CTNNBIP1: variants seen among roughly 807,000 people sequenced by gnomAD.
CTNNBIP1 encodes the protein beta-catenin-interacting protein 1.
In CTNNBIP1, 7 loss-of-function variants were observed where a neutral mutation model predicts 11.8. The ratio of observed to expected loss-of-function variants is 0.60; its 90% CI spans 0.34 to 1.12. The LOEUF (loss-of-function observed/expected upper bound fraction) is 1.12. Ranked by LOEUF, CTNNBIP1 falls within the 50% of genes most tolerant of loss-of-function variation. The pLI is 0.03. For synonymous variants in CTNNBIP1, 58 were observed against 43.9 expected (o/e 1.32, Z -1.26); for missense variants, 101 against 113.4 (o/e 0.89, Z 0.50).
rs755673219 is a variant in CTNNBIP1, at chr1:9,867,198, G to A, written c.187+3989C>T. Among the ~76,000 whole-genome samples the A allele has an allele frequency of 7.9e-5, 12 of 152,188 alleles. 1 individual carries two copies. Among genetic ancestry groups the A allele is most frequent in the Non-Finnish European group, 8.8e-5 (6 of 68,024 alleles). ...CAGTGAGGGGTGACGTGAAGGACAAGGGAGGGAAAGGAGGCTGTCATTGGT... is the reference window on the plus strand; with the variant it reads ...CAGTGAGGGGTGACGTGAAGGACAAAGGAGGGAAAGGAGGCTGTCATTGGT... On this transcript the variant is annotated intron_variant, in intron 5 of 5. Coordinates refer to ENST00000377263, the MANE Select transcript of CTNNBIP1 (RefSeq NM_020248.3). The surrounding 1 kb of genome is among the most constrained non-coding windows in gnomAD (Gnocchi z 4.6).
In CTNNBIP1 at chr1:9,899,563, A is replaced by AG. The variant is rs1355329667; in HGVS notation, c.-144+10531_-144+10532insC. On this transcript the variant is annotated intron_variant, in intron 1 of 5. Transcript: ENST00000377263. ...GTCACAAGGTCAGGAGATCAAGGCTATCTTGGCCAACATGGTGAAACCCCA... is the reference window on the plus strand; with the variant it reads ...GTCACAAGGTCAGGAGATCAAGGCTAGTCTTGGCCAACATGGTGAAACCCCA... Among the ~76,000 whole-genome samples, 45 of 148,190 alleles carry AG rather than the reference A, an allele frequency of 3.0e-4. No homozygotes were observed. In the East Asian group the frequency reaches 8.1e-3, roughly 27 times the overall value.
chr1:9,891,482 T>G (rs1331367617), intron 1 of CTNNBIP1, among the ~76,000 whole-genome samples: 1 of 152,190 alleles, frequency 6.6e-6, no homozygotes, highest in Non-Finnish European at 1.5e-5. Flanking sequence ...TCCAGCTTCC[T>G]GTGGTGAGGA....
chr1:9,857,387 AG>A (rs1290449973), intron 5 of CTNNBIP1, among the ~76,000 whole-genome samples: 2 of 150,126 alleles, frequency 1.3e-5, no homozygotes, highest in East Asian at 4.0e-4. Flanking sequence ...TGTACTCGGG[AG>A]GCTGAGGCAG....
chr1:9,868,345 G>A (rs988280127), intron 5 of CTNNBIP1, among the ~76,000 whole-genome samples: 1 of 152,170 alleles, frequency 6.6e-6, no homozygotes, highest in Non-Finnish European at 1.5e-5. Flanking sequence ...TGGACTCCAC[G>A]GCCCACACAG....
intron 5 of CTNNBIP1, among the ~76,000 whole-genome samples, chr1:9,858,303 A>C (rs1263403136): frequency 6.6e-6 from 1 of 151,406 alleles, no homozygotes; most frequent in African/African-American, 2.4e-5. Flanking sequence ...TTTGCTCAAA[A>C]CCCTCCAGAA....
chr1:9,857,572 G>A (rs554386456), intron 5 of CTNNBIP1, among the ~76,000 whole-genome samples: 5 of 151,678 alleles, frequency 3.3e-5, no homozygotes, highest in African/African-American at 4.8e-5. Flanking sequence ...AGGCCGAGGC[G>A]GGCAGATCAC....
chr1:9,894,533 T>TC (rs1392766776), intron 1 of CTNNBIP1, among the ~76,000 whole-genome samples: 1 of 151,164 alleles, frequency 6.6e-6, no homozygotes, highest in Admixed American at 6.6e-5. Context: ...TTTTTTTTTT[T>TC]CTTTTCTTTT....
chr1:9,860,965 A>G (rs1317125993), intron 5 of CTNNBIP1, among the ~76,000 whole-genome samples: 1 of 152,210 alleles, frequency 6.6e-6, no homozygotes, highest in Non-Finnish European at 1.5e-5. Context: ...AGAGGGAGCT[A>G]ACTTTGGCTA....
At chr1:9,885,942 A>G (rs957893999) in intron 1 of CTNNBIP1, among the ~76,000 whole-genome samples, 1 of 152,052 alleles carries the variant, frequency 6.6e-6, no homozygotes, top group African/African-American at 2.4e-5. Flanking sequence ...TGAGGAAAAA[A>G]AAAAAAAAAA....
rs745668650 is a variant in CTNNBIP1 at position 9,871,229 on chromosome 1, T to C, written c.145A>G (p.Asn49Asp). ...GGAGGCAGCTGGCTGAGCTGGCTGT[T>C]GACCACCCCTGCATAGGTGCGCAGG... ...EFLRTYAGVV[N>D]SQLSQLPPHS... is the part of the protein sequence containing the mutation. Residue 49 changes from asparagine (N) to aspartate (D), a missense_variant, in exon 5 of 6, where the codon AAC (asparagine) becomes GAC (aspartate). Coordinates refer to ENST00000377263, the MANE Select transcript of CTNNBIP1 (RefSeq NM_020248.3). The surrounding 1 kb of genome is among the most constrained non-coding windows in gnomAD (Gnocchi z 5.2). 6.3e-7 allele frequency: 1 copy of C among 1,581,952 alleles called. No individual in the cohort carries two copies. The highest frequency in any genetic ancestry group is 8.6e-7 in the Non-Finnish European group (1 of 1,164,800).
chr1:9,900,546 TGA>T (rs978789446), intron 1 of CTNNBIP1, among the ~76,000 whole-genome samples: 1 of 151,992 alleles, frequency 6.6e-6, no homozygotes, highest in African/African-American at 2.4e-5. Flanking sequence ...GATTAGGAAG[TGA>T]GAGTGGGAAG....
At chr1:9,898,885 G>C (rs1323368833) in intron 1 of CTNNBIP1, among the ~76,000 whole-genome samples, 1 of 151,976 alleles carries the variant, frequency 6.6e-6, no homozygotes, top group African/African-American at 2.4e-5. Context: ...TACTATATTG[G>C]TTTTTTATTT....
chr1:9,904,149 C>G (rs906758319), intron 1 of CTNNBIP1, among the ~76,000 whole-genome samples: 1 of 152,196 alleles, frequency 6.6e-6, no homozygotes, highest in African/African-American at 2.4e-5. Context: ...AAAGCTTGCA[C>G]CCACTCTGCG....
chr1:9,903,704 A>T (rs529435189), intron 1 of CTNNBIP1, among the ~76,000 whole-genome samples: 1 of 152,332 alleles, frequency 6.6e-6, no homozygotes, highest in African/African-American at 2.4e-5. Context: ...AGTAAAGCAA[A>T]GGGAGGCTAC....
intron 5 of CTNNBIP1, among the ~76,000 whole-genome samples, chr1:9,859,212 G>A (rs977706330): frequency 6.6e-6 from 1 of 152,126 alleles, no homozygotes; most frequent in Non-Finnish European, 1.5e-5. Context: ...CACCTGCCCT[G>A]GAAACCAGGG....
At chr1:9,862,334 C>T (rs1263610928) in intron 5 of CTNNBIP1, among the ~76,000 whole-genome samples, 1 of 152,222 alleles carries the variant, frequency 6.6e-6, no homozygotes, top group Non-Finnish European at 1.5e-5. Context: ...TCTCCTGCCT[C>T]AGCCTCCCAA....
At position 9,848,399 on chromosome 1, in the gene CTNNBIP1, T is replaced by C. The variant is rs565715708; in HGVS notation, c.*2319A>G. Reference sequence around the variant, plus strand: ...AAGATGAGACAGGCCGGGGTCATCATTGTTACAAAAGCAAGGCCTGTGATC... The same window carrying C: ...AAGATGAGACAGGCCGGGGTCATCACTGTTACAAAAGCAAGGCCTGTGATC... On this transcript the variant is annotated 3_prime_UTR_variant, in exon 6 of 6. Coordinates refer to ENST00000377263, the MANE Select transcript of CTNNBIP1 (RefSeq NM_020248.3). The surrounding 1 kb of genome is among the most constrained non-coding windows in gnomAD (Gnocchi z 4.3). 2.6e-5 allele frequency: 4 copies of C among 152,254 alleles called. No homozygotes were observed. Among genetic ancestry groups the C allele is most frequent in the African/African-American group, 4.8e-5 (2 of 41,460 alleles). The allele number at this position is 152,254 out of a possible 1,614,324, so 9.4% of individuals were successfully genotyped here.
At chr1:9,866,522 C>T (rs78577337) in intron 5 of CTNNBIP1, among the ~76,000 whole-genome samples, 13,289 of 151,866 alleles carry the variant, frequency 0.088, 1,946 homozygotes, top group African/African-American at 0.3. Flanking sequence ...GGTGAAACCC[C>T]GTCTCTAATC....
intron 5 of CTNNBIP1, among the ~76,000 whole-genome samples, chr1:9,870,522 C>T (rs1444629437): frequency 2.6e-5 from 4 of 152,192 alleles, no homozygotes; most frequent in Non-Finnish European, 4.4e-5. Context: ...GCTTACTGTT[C>T]CCAAATCCCA....
Sources: allele counts gnomAD v4.1 joint callset (sites outside exome capture counted in the v4.1 genomes callset), GRCh38; gene constraint gnomAD v4.1.1; non-coding constraint Gnocchi (gnomAD v3.1); transcripts MANE v1.5; gene names NCBI Gene and HGNC (gene_info 2026-07-23, HGNC 2026-07-21).